The following CARF variants were observed in gnomAD, a reference collection of about 807,000 sequenced individuals.
CARF encodes the protein calcium responsive transcription factor.
In CARF, 57 loss-of-function variants were observed where a neutral mutation model predicts 82.0. The ratio of observed to expected loss-of-function variants is 0.70; its 90% CI spans 0.56 to 0.87. The LOEUF (loss-of-function observed/expected upper bound fraction) is 0.87, where lower values mean the gene tolerates loss of function less well. CARF is among the 40% of genes least tolerant of loss of function. CARF has a pLI of 0.00. For synonymous variants in CARF, 268 were observed against 290.1 expected (o/e 0.92, Z 0.77); for missense variants, 771 against 855.8 (o/e 0.90, Z 1.24).
intron 5 of CARF, among the ~76,000 whole-genome samples, chr2:202,943,652 G>GTT (rs72240582): frequency 1.9e-4 from 26 of 135,510 alleles, no homozygotes; most frequent in Non-Finnish European, 2.0e-4. Flanking sequence ...CTCCAGTTTT[G>GTT]TTTTTTTTTT....
At position 202,971,684 on chromosome 2, in the gene CARF, A is replaced by G; in HGVS notation, c.1277A>G (p.Gln426Arg). 4 of 1,613,580 alleles carry G rather than the reference A, an allele frequency of 2.5e-6. No homozygotes were observed. The highest frequency in any genetic ancestry group is 3.4e-6 in the Non-Finnish European group (4 of 1,179,668). ...RLHPQVAHKI[Q>R]ELVSQGIEQV... is the part of the protein sequence containing the mutation. Reference sequence around the variant, plus strand: ...CATCCTCAAGTAGCACATAAGATTCAAGAATTAGTATCACAGGGAATAGAA... The same window carrying G: ...CATCCTCAAGTAGCACATAAGATTCGAGAATTAGTATCACAGGGAATAGAA... Residue 426 changes from glutamine to arginine, a missense_variant, in exon 12 of 17, where the codon CAA becomes CGA. Gln to Arg is a conservative substitution (Grantham distance 43). Transcript: ENST00000438828.
chr2:202,959,145 T>C (rs1479618837), intron 8 of CARF, among the ~76,000 whole-genome samples: 1 of 152,192 alleles, frequency 6.6e-6, no homozygotes, highest in East Asian at 1.9e-4. Context: ...ATACTGATTT[T>C]TTCTTTATTG....
Position 202,969,931 on chromosome 2 carries a change from A to G in CARF, c.966A>G (p.Lys322=). The change falls in exon 11 of 17, where the codon AAA becomes AAG. Residue 322 remains lysine, a synonymous_variant. Coordinates refer to ENST00000438828, the MANE Select transcript of CARF (RefSeq NM_024744.17). The part of the protein sequence containing the change: ...KATCPARIYI[K]KVQKFPEYRV... ...ATCTTGTATAAAGGATTTACATTAA[A>G]AAGGTACAGAAGTTTCCTGAATATA... is the stretch of plus-strand genomic sequence containing the variant. The G allele has an allele frequency of 6.6e-7, 1 of 1,511,254 alleles. No individual in the cohort carries two copies. Among genetic ancestry groups the G allele is most frequent in the Non-Finnish European group, 8.8e-7 (1 of 1,130,276 alleles). The allele number at this position is 1,511,254 out of a possible 1,614,324, so 93.6% of individuals were successfully genotyped here. A position where few individuals can be genotyped will look rare whatever the true frequency, so the allele number is the denominator to read the frequency against.
At chr2:202,922,023 T>A (rs1690921901) in intron 2 of CARF, among the ~76,000 whole-genome samples, 1 of 149,984 alleles carries the variant, frequency 6.7e-6, no homozygotes, top group Admixed American at 6.7e-5. Context: ...AGAGACAGAA[T>A]CTCATTATAT....
chr2:202,930,130 C>A (rs929076719), intron 3 of CARF, among the ~76,000 whole-genome samples: 1 of 152,160 alleles, frequency 6.6e-6, no homozygotes, highest in African/African-American at 2.4e-5. Context: ...TCACTCCAAC[C>A]TCTGCCTCCT....
At chr2:202,975,439 G>A (rs1029005544) in intron 13 of CARF, among the ~76,000 whole-genome samples, 6 of 151,248 alleles carry the variant, frequency 4.0e-5, no homozygotes, top group Admixed American at 1.3e-4. Flanking sequence ...GCGAGACTCC[G>A]TCTAAAAAAA....
At chr2:202,969,342 G>A (rs1174583127) in intron 10 of CARF, among the ~76,000 whole-genome samples, 1 of 152,140 alleles carries the variant, frequency 6.6e-6, no homozygotes. Flanking sequence ...TCAGGAGGCC[G>A]AGGTGGGTGG....
intron 3 of CARF, chr2:202,925,083 G>T: frequency 2.4e-6 from 1 of 411,700 alleles, no homozygotes. Context: ...ACAACCTAAA[G>T]CAGCAACTGG....
chr2:202,923,718 C>A (rs374322982), intron 2 of CARF, among the ~76,000 whole-genome samples: 13 of 152,278 alleles, frequency 8.5e-5, no homozygotes, highest in African/African-American at 2.4e-4. Context: ...TACCTGATTT[C>A]GAACTATACT....
At position 202,983,916 on chromosome 2, in the gene CARF, GTTTAC is replaced by G. The variant is rs1214792278; in HGVS notation, c.*295_*299del. 4.2e-6 allele frequency: 1 copy of G among 237,334 alleles called. No individual in the cohort carries two copies. Among genetic ancestry groups the G allele is most frequent in the Non-Finnish European group, 8.0e-6 (1 of 125,340 alleles). 14.7% of individuals were successfully genotyped at this position (237,334 alleles called of 1,614,324 possible). On this transcript the variant is annotated 3_prime_UTR_variant, in exon 17 of 17. Coordinates refer to ENST00000438828, the MANE Select transcript of CARF (RefSeq NM_024744.17). ...CAGTAATATAGTCTGAACACAAATA[GTTTAC>G]TTAACTTATCCTTGGAAATATTCAA... is the stretch of plus-strand genomic sequence containing the variant.
chr2:202,986,901 T>TACATATATATATAC lies in CARF; in HGVS notation c.*3278_*3279insCATATATATATACA, dbSNP rs2060467837. 2.2e-5 allele frequency: 3 copies of TACATATATATATAC among 137,302 alleles called. No individual in the cohort carries two copies. The highest frequency in any genetic ancestry group is 2.4e-4 in the South Asian group (1 of 4,228). The allele number at this position is 137,302 out of a possible 1,614,324, so 8.5% of individuals were successfully genotyped here. ...ATATATATATATATATATATATATATATATATAGCAACTTGATGTATAGTG... is the reference window on the plus strand; with the variant it reads ...ATATATATATATATATATATATATATACATATATATATACATATATAGCAACTTGATGTATAGTG... On this transcript the variant is annotated 3_prime_UTR_variant, in exon 17 of 17. Transcript: ENST00000438828.
chr2:202,981,053 C>A (rs1452241203), intron 14 of CARF, among the ~76,000 whole-genome samples: 1 of 152,008 alleles, frequency 6.6e-6, no homozygotes, highest in Non-Finnish European at 1.5e-5. Context: ...TTAAACATCC[C>A]TTAGAGATTC....
chr2:202,951,168 C>T (rs1267654587), intron 5 of CARF, among the ~76,000 whole-genome samples: 2 of 151,990 alleles, frequency 1.3e-5, no homozygotes, highest in Non-Finnish European at 1.5e-5. Context: ...CACCTGAACC[C>T]CCAGAGTAGC....
intron 9 of CARF, chr2:202,962,655 C>A (rs1233671409): frequency 6.6e-6 from 1 of 152,024 alleles, no homozygotes; most frequent in African/African-American, 2.4e-5. Flanking sequence ...CATATTGTAT[C>A]TACAATAATA....
chr2:202,975,240 G>A (rs2059977171), intron 13 of CARF, among the ~76,000 whole-genome samples: 2 of 152,098 alleles, frequency 1.3e-5, no homozygotes, highest in African/African-American at 4.8e-5. Flanking sequence ...CAGATCACAA[G>A]GTCAGAAGAT....
intron 8 of CARF, among the ~76,000 whole-genome samples, chr2:202,956,335 A>G (rs2059040392): frequency 6.6e-6 from 1 of 151,982 alleles, no homozygotes; most frequent in South Asian, 2.1e-4. Flanking sequence ...AGCTCACTGC[A>G]ACTTCTGCCT....
chr2:202,973,364 G>T lies in CARF; in HGVS notation c.1332-970G>T, dbSNP rs528211305. The T allele has an allele frequency of 1.7e-4, 66 of 380,834 alleles. 1 individual carries two copies. The East Asian group carries it at 5.3e-3, about 30-fold the overall frequency. 23.6% of individuals were successfully genotyped at this position (380,834 alleles called of 1,614,324 possible). On this transcript the variant is annotated intron_variant, in intron 12 of 16. Coordinates refer to ENST00000438828, the MANE Select transcript of CARF (RefSeq NM_024744.17). ...AGTTCTGCGATTTGGTCCACCAAAT[G>T]TAATAAGCATATATATGTTAAATTT...
At chr2:202,948,119 C>G (rs2058584006) in intron 5 of CARF, among the ~76,000 whole-genome samples, 1 of 152,142 alleles carries the variant, frequency 6.6e-6, no homozygotes, top group African/African-American at 2.4e-5. Flanking sequence ...AGTTGTCTCC[C>G]TAATGCTTGT....
chr2:202,977,115 A>C (rs2060065654), intron 13 of CARF, among the ~76,000 whole-genome samples, 154 bp from the exon 14 acceptor site: 1 of 152,238 alleles, frequency 6.6e-6, no homozygotes, highest in Admixed American at 6.5e-5. Context: ...TGTATAGTAA[A>C]GTATACTTGT....
Sources: allele counts gnomAD v4.1 joint callset (sites outside exome capture counted in the v4.1 genomes callset), GRCh38; gene constraint gnomAD v4.1.1; transcripts MANE v1.5; gene names NCBI Gene and HGNC (gene_info 2026-07-23, HGNC 2026-07-21).